The following KLF7 variants were observed in gnomAD, a reference collection of about 807,000 sequenced individuals.
KLF7 encodes Krueppel-like factor 7.
KLF7 carries 2 observed loss-of-function variants against 27.3 expected under a neutral mutation model. The ratio of observed to expected loss-of-function variants is 0.07; its 90% confidence interval spans 0.03 to 0.23. The LOEUF (loss-of-function observed/expected upper bound fraction) is 0.23, where lower values mean the gene tolerates loss of function less well. Among genes scored for constraint, KLF7 ranks in the 10% least tolerant of loss-of-function variants. KLF7 has a pLI of 1.00. For missense variants in KLF7, 221 were observed against 394.1 expected (o/e 0.56, Z 3.72); for synonymous variants, 165 against 162.4 (o/e 1.02, Z -0.12).
chr2:207,080,777 T>C lies in KLF7; in HGVS notation c.*436A>G. The C allele has an allele frequency of 2.5e-6, 1 of 400,924 alleles. No individual in the cohort carries two copies. Among genetic ancestry groups the C allele is most frequent in the Non-Finnish European group, 4.4e-6 (1 of 227,292 alleles). 24.8% of individuals were successfully genotyped at this position (400,924 alleles called of 1,614,324 possible). A position where few individuals can be genotyped will look rare whatever the true frequency, so the allele number is the denominator to read the frequency against. On this transcript the variant is annotated 3_prime_UTR_variant, in exon 4 of 4. Transcript: ENST00000309446. ...CATATGCAACTTTAAGATGCTGGAT[T>C]CTCCTATCAAGTTGCACTGAGAAGC... is the stretch of plus-strand genomic sequence containing the variant.
At chr2:207,125,225 G>A (rs2077448268) in intron 1 of KLF7, among the ~76,000 whole-genome samples, 1 of 152,098 alleles carries the variant, frequency 6.6e-6, no homozygotes, top group East Asian at 1.9e-4. Context: ...AAGAAACAGG[G>A]GAGAAGAACA....
chr2:207,159,771 G>A (rs2078488563), intron 1 of KLF7, among the ~76,000 whole-genome samples: 1 of 152,102 alleles, frequency 6.6e-6, no homozygotes, highest in South Asian at 2.1e-4. Context: ...TACTGCAAAC[G>A]CTCAGCTGTA....
chr2:207,107,419 CTGA>C, intron 2 of KLF7, among the ~76,000 whole-genome samples: 1 of 152,192 alleles, frequency 6.6e-6, no homozygotes, highest in East Asian at 1.9e-4. Context: ...TCCTACCAAT[CTGA>C]TGATCTTCAG....
intron 2 of KLF7, among the ~76,000 whole-genome samples, chr2:207,115,340 T>C (rs533175862): frequency 3.3e-5 from 5 of 152,254 alleles, no homozygotes; most frequent in African/African-American, 2.4e-5. Context: ...TCCATAAACA[T>C]ACATGTTGAA....
intron 1 of KLF7, among the ~76,000 whole-genome samples, chr2:207,155,220 T>A (rs1054588686): frequency 7.9e-5 from 12 of 152,228 alleles, no homozygotes; most frequent in Non-Finnish European, 1.6e-4. Flanking sequence ...AAATGATGGA[T>A]ACAGGTGCTC....
chr2:207,141,074 T>C (rs1231158342), intron 1 of KLF7, among the ~76,000 whole-genome samples: 1 of 152,168 alleles, frequency 6.6e-6, no homozygotes, highest in Non-Finnish European at 1.5e-5. Context: ...AGTATTAGTA[T>C]ATATATAGAG....
intron 1 of KLF7, among the ~76,000 whole-genome samples, chr2:207,126,942 T>G (rs1211238340): frequency 6.6e-6 from 1 of 152,184 alleles, no homozygotes; most frequent in Non-Finnish European, 1.5e-5. Flanking sequence ...TGCCATTTAT[T>G]TACATACTAT....
At chr2:207,105,785 C>G (rs2076869952) in intron 2 of KLF7, among the ~76,000 whole-genome samples, 1 of 152,124 alleles carries the variant, frequency 6.6e-6, no homozygotes, top group Non-Finnish European at 1.5e-5. Context: ...ACTGAGAGAA[C>G]AGGCAGTGGC....
At chr2:207,154,640 A>C (rs897003198) in intron 1 of KLF7, among the ~76,000 whole-genome samples, 3 of 152,186 alleles carry the variant, frequency 2.0e-5, no homozygotes, top group African/African-American at 7.2e-5. Context: ...CACTGAGAGA[A>C]AGAGCATTGT....
chr2:207,079,238 AAAC>A lies in KLF7; in HGVS notation c.*1972_*1974del, dbSNP rs2076228573. Reference sequence around the variant, plus strand: ...ACGAGTAGTTTCAACATTTCAGTGAAAACAAAGGTTGCAGAAAGCTGAAAACCC... The same window carrying A: ...ACGAGTAGTTTCAACATTTCAGTGAAAAAGGTTGCAGAAAGCTGAAAACCC... On this transcript the variant is annotated 3_prime_UTR_variant, in exon 4 of 4. Transcript: ENST00000309446. 1 of 152,166 alleles carries A rather than the reference AAAC, an allele frequency of 6.6e-6. No homozygotes were observed. 9.4% of individuals were successfully genotyped at this position (152,166 alleles called of 1,614,324 possible).
chr2:207,097,106 G>A (rs1294061490), intron 2 of KLF7, among the ~76,000 whole-genome samples: 1 of 152,174 alleles, frequency 6.6e-6, no homozygotes, highest in East Asian at 1.9e-4. Flanking sequence ...CATACCTCAA[G>A]AACCATTGCT....
chr2:207,121,288 C>A (rs1305199285), intron 2 of KLF7, among the ~76,000 whole-genome samples: 2 of 152,226 alleles, frequency 1.3e-5, no homozygotes, highest in East Asian at 3.8e-4. Flanking sequence ...TTAACTTTGG[C>A]TAACTGGCTT....
chr2:207,163,207 T>C (rs2078598771), intron 1 of KLF7, among the ~76,000 whole-genome samples: 1 of 152,224 alleles, frequency 6.6e-6, no homozygotes. Context: ...TGGAGTGATA[T>C]ATTGTTTATT....
upstream of KLF7, chr2:207,166,908 G>T: frequency 9.6e-7 from 1 of 1,040,002 alleles, no homozygotes; most frequent in Non-Finnish European, 1.2e-6. Context: ...CCCGCCCCCC[G>T]CTTGCGCACA....
rs2076576059 is a variant in KLF7 at position 207,094,208 on chromosome 2, T to G, written c.734-5627A>C. ...AGAATCTTGCACTCAAGGTTTAAAATCTGTTGAAAATAAACTCACTAATAC... is the reference window on the plus strand; with the variant it reads ...AGAATCTTGCACTCAAGGTTTAAAAGCTGTTGAAAATAAACTCACTAATAC... On this transcript the variant is annotated intron_variant, in intron 2 of 3. Transcript: ENST00000309446. Among the ~76,000 whole-genome samples the G allele has an allele frequency of 2.6e-5, 4 of 152,212 alleles. No individual in the cohort carries two copies. In the South Asian group the frequency reaches 8.3e-4, roughly 31 times the overall value.
chr2:207,133,966 C>T (rs1424882769), intron 1 of KLF7: 4 of 839,208 alleles, frequency 4.8e-6, no homozygotes, highest in Non-Finnish European at 7.2e-6. Context: ...ATTATTAATC[C>T]TGTTTTACAG....
chr2:207,137,451 C>T (rs931136766), intron 1 of KLF7, among the ~76,000 whole-genome samples: 1 of 152,200 alleles, frequency 6.6e-6, no homozygotes, highest in Non-Finnish European at 1.5e-5. Flanking sequence ...AACACAGAAG[C>T]TTTTCCTTCC....
chr2:207,163,342 C>T (rs1301206603), intron 1 of KLF7, among the ~76,000 whole-genome samples: 1 of 152,022 alleles, frequency 6.6e-6, no homozygotes, highest in Non-Finnish European at 1.5e-5. Context: ...TGAGGGGGTT[C>T]CGAGGGGTGA....
In KLF7 at chr2:207,142,778, G is replaced by A. The variant is rs1239956933; in HGVS notation, c.103-18374C>T. ...GTCTGGAAAAGGATGAGCAGTCTAGGATTCTGATGAATGGGGTACACATTA... is the reference window on the plus strand; with the variant it reads ...GTCTGGAAAAGGATGAGCAGTCTAGAATTCTGATGAATGGGGTACACATTA... On this transcript the variant is annotated intron_variant, in intron 1 of 3. Transcript: ENST00000309446. Among the ~76,000 whole-genome samples, 6 of 152,214 alleles carry A rather than the reference G, an allele frequency of 3.9e-5. No homozygotes were observed. In the South Asian group the frequency reaches 6.2e-4, roughly 16 times the overall value.
Sources: allele counts gnomAD v4.1 joint callset (sites outside exome capture counted in the v4.1 genomes callset), GRCh38; gene constraint gnomAD v4.1.1; transcripts MANE v1.5; gene names NCBI Gene and HGNC (gene_info 2026-07-23, HGNC 2026-07-21).